The following EPRS1 variants were observed in gnomAD, a reference collection of about 807,000 sequenced individuals.
The protein encoded by EPRS1 is bifunctional glutamate/proline--tRNA ligase.
EPRS1 carries 107 observed loss-of-function variants against 188.3 expected under a neutral mutation model. The observed-to-expected ratio is 0.57, with a 90% CI of 0.49 to 0.67. The LOEUF (loss-of-function observed/expected upper bound fraction) is 0.67, where lower values mean the gene tolerates loss of function less well. Among genes scored for constraint, EPRS1 ranks in the 30% least tolerant of loss-of-function variants. The pLI, the probability that EPRS1 is intolerant of heterozygous loss-of-function variation, is 0.00. For missense variants in EPRS1, 1,577 were observed against 1,802.2 expected, an observed-to-expected ratio of 0.88 and a Z score of 2.26; for synonymous variants, 596 against 593.1, an observed-to-expected ratio of 1.00 and a Z score of -0.07.
At chr1:219,977,949 T>A (rs1236501343) in intron 28 of EPRS1, among the ~76,000 whole-genome samples, 1 of 152,190 alleles carries the variant, frequency 6.6e-6, no homozygotes. Context: ...ATTCCCTCTT[T>A]CAGCATAAGA....
At chr1:219,972,526 C>G (rs1660689023) in intron 29 of EPRS1, among the ~76,000 whole-genome samples, 1 of 152,084 alleles carries the variant, frequency 6.6e-6, no homozygotes, top group Admixed American at 6.6e-5. Flanking sequence ...TATCTTTTAT[C>G]AATATATAAG....
At position 220,022,364 on chromosome 1, in the gene EPRS1, T is replaced by C. The variant is rs768647445; in HGVS notation, c.1098A>G (p.Arg366=). The stretch of plus-strand genomic sequence containing the variant: ...ATACTTACTTGTATTTATTTCCAGT[T>C]CTTGGATGTGGTTGAATTTTGCAGC... ...LYRCKIQPHP[R]TGNKYNVYPT... Residue 366 remains arginine, a synonymous_variant, in exon 9 of 32, where the codon AGA becomes AGG. Coordinates refer to ENST00000366923, the MANE Select transcript of EPRS1 (RefSeq NM_004446.3). The C allele has an allele frequency of 6.2e-7, 1 of 1,613,338 alleles. No homozygotes were observed. The highest frequency in any genetic ancestry group is 8.5e-7 in the Non-Finnish European group (1 of 1,179,714).
chr1:219,981,295 A>C, intron 24 of EPRS1, 83 bp downstream of exon 24: 2 of 908,632 alleles, frequency 2.2e-6, no homozygotes, highest in Non-Finnish European at 3.3e-6. Context: ...CAATCCTTTG[A>C]AAATAAAAAC....
intron 16 of EPRS1, among the ~76,000 whole-genome samples, chr1:220,002,555 T>A (rs1429628938): frequency 2.0e-5 from 3 of 152,050 alleles, no homozygotes; most frequent in Non-Finnish European, 4.4e-5. Context: ...CTGTAAAACA[T>A]TTATTTATTT....
Position 220,022,501 on chromosome 1 carries a change from G to T in EPRS1, c.961C>A (p.Gln321Lys), listed in dbSNP as rs1440870037. ...CCTTTTTTCATTTCTTCCCACATTTGTAGATTCTTCTCAATAGCTATAAAA... is the reference window on the plus strand; with the variant it reads ...CCTTTTTTCATTTCTTCCCACATTTTTAGATTCTTCTCAATAGCTATAAAA... ...HRKNPIEKNL[Q>K]MWEEMKKGSQ... is the part of the protein sequence containing the mutation. Residue 321 changes from glutamine (Q) to lysine (K), a missense_variant, in exon 9 of 32, where the codon CAA becomes AAA. Gln to Lys is a moderately conservative substitution (Grantham distance 53). Transcript: ENST00000366923. 6.2e-7 allele frequency: 1 copy of T among 1,612,478 alleles called. No homozygotes were observed.
rs879888767 is a variant in EPRS1 at position 220,025,797 on chromosome 1, T to A, written c.624-539A>T. 5.4e-3 allele frequency among the ~76,000 whole-genome samples: 808 copies of A among 148,896 alleles called. 6 individuals are homozygous for A. Among genetic ancestry groups the A allele is most frequent in the Middle Eastern group, 0.014 (4 of 286 alleles). On this transcript the variant is annotated intron_variant, in intron 6 of 31. Transcript: ENST00000366923. ...TTTTCTCAGATGCCAAAATAAAAGT[T>A]TTTTTTTTTTTTTTTGAGACGGAAT...
Position 219,971,795 on chromosome 1 carries a change from T to TATATATATATATATACACAC in EPRS1, c.4323+273_4323+274insGTGTGTATATATATATATAT, listed in dbSNP as rs140568859. ...GTAGAAAACAAAGACTATATATATA[T>TATATATATATATATACACAC]ACATATACACACACACTATATTTAT... is the stretch of plus-strand genomic sequence containing the variant. On this transcript the variant is annotated intron_variant, in intron 30 of 31. Coordinates refer to ENST00000366923, the MANE Select transcript of EPRS1 (RefSeq NM_004446.3). Among the ~76,000 whole-genome samples the TATATATATATATATACACAC allele has an allele frequency of 6.6e-3, 720 of 108,406 alleles. 55 individuals carry two copies. Among genetic ancestry groups the TATATATATATATATACACAC allele is most frequent in the African/African-American group, 0.021 (657 of 31,270 alleles). The allele number at this position is 108,406 out of a possible 152,430, so 71.1% of individuals were successfully genotyped here.
intron 2 of EPRS1, among the ~76,000 whole-genome samples, chr1:220,038,629 C>T (rs548906799): frequency 1.6e-3 from 245 of 151,134 alleles, no homozygotes; most frequent in Non-Finnish European, 3.1e-3. Context: ...TCCACTCGCC[C>T]GGCCTCCCAA....
At chr1:220,018,395 A>G in intron 12 of EPRS1, 54 bp downstream of exon 12, 1 of 1,326,054 alleles carries the variant, frequency 7.5e-7, no homozygotes, top group Non-Finnish European at 1.1e-6. Context: ...TTCTACTTGT[A>G]CATTATTTGG....
At chr1:219,982,411 G>A (rs1660916141) in intron 23 of EPRS1, 1 of 160,376 alleles carries the variant, frequency 6.2e-6, no homozygotes, top group African/African-American at 2.4e-5. Context: ...AAACCTAAAT[G>A]TATTATTAAA....
chr1:220,031,014 C>G (rs1254698741), intron 5 of EPRS1, among the ~76,000 whole-genome samples: 1 of 151,472 alleles, frequency 6.6e-6, no homozygotes, highest in East Asian at 1.9e-4. Flanking sequence ...ATCGCTTGAA[C>G]CTGGGAGACG....
At chr1:220,013,811 C>T (rs1032679609) in intron 12 of EPRS1, among the ~76,000 whole-genome samples, 1 of 152,072 alleles carries the variant, frequency 6.6e-6, no homozygotes, top group Admixed American at 6.5e-5. Flanking sequence ...GCAATAGAAA[C>T]AAAAAGTAAT....
chr1:219,985,350 A>G (rs1208612132), intron 20 of EPRS1, among the ~76,000 whole-genome samples: 1 of 151,984 alleles, frequency 6.6e-6, no homozygotes, highest in Non-Finnish European at 1.5e-5. Context: ...ACACACACAT[A>G]TGTGTGTGTA....
rs553273367 is a variant in EPRS1, at chr1:220,014,098, T to C, written c.1495-3042A>G. Among the ~76,000 whole-genome samples the C allele has an allele frequency of 2.0e-5, 3 of 152,184 alleles. No homozygotes were observed. The South Asian group carries it at 6.2e-4, about 32-fold the overall frequency. On this transcript the variant is annotated intron_variant, in intron 12 of 31. Coordinates refer to ENST00000366923, the MANE Select transcript of EPRS1 (RefSeq NM_004446.3). The stretch of plus-strand genomic sequence containing the variant: ...ATCCCAGCACTTTGGTAGGCCGAAG[T>C]GGGCGGATCACCTGAGGTCAGGAGT...
intron 1 of EPRS1, 61 bp downstream of exon 1, chr1:220,046,282 C>T: frequency 6.2e-7 from 1 of 1,603,386 alleles, no homozygotes; most frequent in South Asian, 1.1e-5. Flanking sequence ...AGCGACCTTC[C>T]ACGCCCTGCA....
At chr1:220,013,224 T>C (rs1201250041) in intron 12 of EPRS1, among the ~76,000 whole-genome samples, 3 of 152,200 alleles carry the variant, frequency 2.0e-5, no homozygotes, top group Non-Finnish European at 2.9e-5. Context: ...GCTCTTGAAA[T>C]GTCTCCTACC....
intron 20 of EPRS1, among the ~76,000 whole-genome samples, chr1:219,985,167 A>G (rs945966111): frequency 2.0e-5 from 3 of 152,174 alleles, no homozygotes; most frequent in Admixed American, 2.0e-4. Flanking sequence ...TTCTATGCAG[A>G]CATCTCTTTT....
At chr1:219,973,917 G>A (rs1660722036) in intron 28 of EPRS1, among the ~76,000 whole-genome samples, 1 of 152,020 alleles carries the variant, frequency 6.6e-6, no homozygotes. Flanking sequence ...TTTTATTAGA[G>A]TAGGTTGGGG....
At chr1:219,975,790 C>T (rs1660764888) in intron 28 of EPRS1, among the ~76,000 whole-genome samples, 1 of 151,928 alleles carries the variant, frequency 6.6e-6, no homozygotes. Flanking sequence ...TCTTGGTTTT[C>T]AACATACATA....
Sources: allele counts gnomAD v4.1 joint callset (sites outside exome capture counted in the v4.1 genomes callset), GRCh38; gene constraint gnomAD v4.1.1; transcripts MANE v1.5; gene names NCBI Gene and HGNC (gene_info 2026-07-23, HGNC 2026-07-21).